The following NPAS3 variants were observed in gnomAD, a reference collection of about 807,000 sequenced individuals.
NPAS3 encodes the protein neuronal PAS domain-containing protein 3.
Under a neutral mutation model 73.1 loss-of-function variants are expected in NPAS3, and 14 were observed. That is an observed-to-expected ratio of 0.19 (90% CI 0.13 to 0.30). The LOEUF (loss-of-function observed/expected upper bound fraction) is 0.30. Among genes scored for constraint, NPAS3 ranks in the 10% least tolerant of loss-of-function variants. NPAS3 has a pLI of 1.00. For missense variants in NPAS3, 1,096 were observed against 1,250.0 expected (o/e 0.88, Z 1.86); for synonymous variants, 620 against 541.5 (o/e 1.14, Z -2.01).
intron 9 of NPAS3, among the ~76,000 whole-genome samples, chr14:33,784,520 G>T (rs924357767): frequency 6.6e-6 from 1 of 152,134 alleles, no homozygotes; most frequent in Non-Finnish European, 1.5e-5. Context: ...TGGCAAGAGA[G>T]ATGGAGGAGT....
At chr14:33,183,153 C>T (rs1389747622) in intron 2 of NPAS3, among the ~76,000 whole-genome samples, 3 of 152,084 alleles carry the variant, frequency 2.0e-5, no homozygotes, top group South Asian at 2.1e-4. Context: ...GGGCTGGGTG[C>T]GGTGGCTCAT....
At chr14:33,188,187 A>G (rs1467889303) in intron 2 of NPAS3, among the ~76,000 whole-genome samples, 2 of 152,246 alleles carry the variant, frequency 1.3e-5, no homozygotes, top group Non-Finnish European at 2.9e-5. Flanking sequence ...ATTGACATAT[A>G]GTAAGTACTG....
chr14:33,211,185 G>A (rs1566681509), intron 2 of NPAS3, among the ~76,000 whole-genome samples: 1 of 152,282 alleles, frequency 6.6e-6, no homozygotes, highest in African/African-American at 2.4e-5. Context: ...GAAAAAGTGA[G>A]GCAATAGAAG....
chr14:32,989,855 G>A (rs1261326347), intron 1 of NPAS3, among the ~76,000 whole-genome samples: 2 of 152,170 alleles, frequency 1.3e-5, no homozygotes, highest in Non-Finnish European at 2.9e-5. Context: ...AGAGAGGAAG[G>A]AGGTGAGATT....
chr14:33,228,574 G>T (rs542642323), intron 3 of NPAS3, among the ~76,000 whole-genome samples: 1 of 151,946 alleles, frequency 6.6e-6, no homozygotes, highest in Non-Finnish European at 1.5e-5. Flanking sequence ...ATCCGAAATG[G>T]GTTATTTTCT....
intron 4 of NPAS3, among the ~76,000 whole-genome samples, chr14:33,434,994 G>A (rs530647849): frequency 6.6e-6 from 1 of 152,258 alleles, no homozygotes; most frequent in Admixed American, 6.5e-5. Flanking sequence ...TGTTTTCAAG[G>A]TCAAAAATAT....
At chr14:32,962,109 A>T (rs1171263741) in intron 1 of NPAS3, among the ~76,000 whole-genome samples, 2 of 152,308 alleles carry the variant, frequency 1.3e-5, no homozygotes, top group Non-Finnish European at 2.9e-5. Context: ...TTGCTTTTTG[A>T]TGTTAGTAAG....
chr14:33,432,872 C>T (rs2048839338), intron 4 of NPAS3, among the ~76,000 whole-genome samples: 1 of 152,168 alleles, frequency 6.6e-6, no homozygotes. Context: ...AATGAACATT[C>T]ATTACCAATA....
chr14:33,723,571 T>C (rs912185766), intron 6 of NPAS3, among the ~76,000 whole-genome samples: 5 of 152,012 alleles, frequency 3.3e-5, no homozygotes, highest in Admixed American at 2.6e-4. Flanking sequence ...GCCACTACTC[T>C]CTAACCCTCT....
chr14:33,088,928 A>C (rs2042126401), intron 2 of NPAS3, among the ~76,000 whole-genome samples: 1 of 152,180 alleles, frequency 6.6e-6, no homozygotes, highest in Non-Finnish European at 1.5e-5. Flanking sequence ...CTGGAGTGGA[A>C]TTCCAGCAAA....
At chr14:33,737,630 TCTC>T (rs1312306450) in intron 7 of NPAS3, among the ~76,000 whole-genome samples, 3 of 152,116 alleles carry the variant, frequency 2.0e-5, no homozygotes, top group Non-Finnish European at 4.4e-5. Context: ...CAGCTCTTCC[TCTC>T]CTCCTCCTCA....
At chr14:33,428,492 A>T (rs1295301339) in intron 4 of NPAS3, among the ~76,000 whole-genome samples, 1 of 152,124 alleles carries the variant, frequency 6.6e-6, no homozygotes, top group African/African-American at 2.4e-5. Flanking sequence ...CAAATAAAGT[A>T]GTGTAAATTA....
intron 2 of NPAS3, among the ~76,000 whole-genome samples, chr14:33,059,997 G>T (rs990155387): frequency 6.6e-6 from 1 of 151,902 alleles, no homozygotes; most frequent in East Asian, 1.9e-4. Context: ...TACCCAGGCT[G>T]GTCTCGAACT....
intron 6 of NPAS3, among the ~76,000 whole-genome samples, chr14:33,734,539 A>T (rs904756739): frequency 1.3e-5 from 2 of 152,164 alleles, no homozygotes; most frequent in African/African-American, 4.8e-5. Flanking sequence ...GGAAAAACAG[A>T]CTGTTTCCTG....
rs374126817 is a variant in NPAS3, at chr14:33,303,033, A to G, written c.386-64153A>G. ...CTCATCTTTAAAAATGGCTTCTCGC[A>G]ACTATTCCATTTGGAAAAGCTGTTT... is the stretch of plus-strand genomic sequence containing the variant. On this transcript the variant is annotated intron_variant, in intron 3 of 11. Transcript: ENST00000356141. Among the ~76,000 whole-genome samples, 33 of 152,246 alleles carry G rather than the reference A, an allele frequency of 2.2e-4. No homozygotes were observed. The South Asian group carries it at 6.0e-3, about 28-fold the overall frequency.
At chr14:33,159,893 C>T (rs73270548) in intron 2 of NPAS3, among the ~76,000 whole-genome samples, 13 of 152,102 alleles carry the variant, frequency 8.5e-5, no homozygotes, top group African/African-American at 2.4e-4. Flanking sequence ...CTATAACACC[C>T]GTAAGAAAAA....
At chr14:33,656,988 T>G (rs562065346) in intron 5 of NPAS3, among the ~76,000 whole-genome samples, 1 of 152,240 alleles carries the variant, frequency 6.6e-6, no homozygotes, top group South Asian at 2.1e-4. Context: ...GGTTCATCAG[T>G]AGATGAATGG....
chr14:33,509,668 C>T (rs779613309), intron 4 of NPAS3, among the ~76,000 whole-genome samples: 3 of 151,870 alleles, frequency 2.0e-5, no homozygotes, highest in Admixed American at 6.6e-5. Flanking sequence ...TCACTAGGTA[C>T]TTGGAAGGAA....
chr14:33,701,296 A>G (rs147734107), intron 6 of NPAS3, among the ~76,000 whole-genome samples: 263 of 152,364 alleles, frequency 1.7e-3, no homozygotes, highest in African/African-American at 6.1e-3. Flanking sequence ...AGAGAAATGC[A>G]TAACTTTGCC....
Sources: gnomAD v4.1 joint callset for allele counts (sites outside exome capture counted in the v4.1 genomes callset) on GRCh38, gnomAD v4.1.1 for gene constraint, MANE v1.5 for transcripts, NCBI Gene and HGNC (gene_info 2026-07-23, HGNC 2026-07-21) for gene names.